The following CNTN3 variants were observed in gnomAD, a reference collection of about 807,000 sequenced individuals.
CNTN3 encodes contactin 3.
Under a neutral mutation model 119.1 loss-of-function variants are expected in CNTN3, and 60 were observed. The ratio of observed to expected loss-of-function variants is 0.50; its 90% CI spans 0.41 to 0.62. The LOEUF (loss-of-function observed/expected upper bound fraction) is 0.62, where lower values mean the gene tolerates loss of function less well. Ranked by LOEUF, CNTN3 falls within the 20% of genes least tolerant of loss-of-function variation. The pLI, the probability that CNTN3 is intolerant of heterozygous loss-of-function variation, is 0.00. For synonymous variants in CNTN3, 450 were observed against 438.7 expected, an observed-to-expected ratio of 1.03 and a Z score of -0.32; for missense variants, 1,101 against 1,242.4, an observed-to-expected ratio of 0.89 and a Z score of 1.71.
intron 1 of CNTN3, among the ~76,000 whole-genome samples, chr3:74,549,228 C>G (rs1352482499): frequency 6.6e-6 from 1 of 152,092 alleles, no homozygotes; most frequent in East Asian, 1.9e-4. Flanking sequence ...AAGTGTGTAG[C>G]ACCTCCCCCT....
At chr3:74,308,669 G>T (rs998370296) in intron 13 of CNTN3, among the ~76,000 whole-genome samples, 34 of 151,612 alleles carry the variant, frequency 2.2e-4, no homozygotes, top group African/African-American at 7.7e-4. Flanking sequence ...AGTAAGAATT[G>T]GTGATCTCAG....
chr3:74,507,731 T>C (rs1413293790), intron 2 of CNTN3, among the ~76,000 whole-genome samples: 1 of 149,754 alleles, frequency 6.7e-6, no homozygotes, highest in Non-Finnish European at 1.5e-5. Flanking sequence ...TCCCGGCTTC[T>C]AGCAATTCTT....
At chr3:74,418,272 C>T (rs554815776) in intron 5 of CNTN3, among the ~76,000 whole-genome samples, 18 of 151,566 alleles carry the variant, frequency 1.2e-4, no homozygotes, top group African/African-American at 4.1e-4. Flanking sequence ...AAGGGATCCT[C>T]CCATCTTGGC....
intron 16 of CNTN3, among the ~76,000 whole-genome samples, chr3:74,300,221 T>C (rs1045706721): frequency 1.3e-5 from 2 of 152,150 alleles, no homozygotes; most frequent in Admixed American, 6.5e-5. Flanking sequence ...GTATGAGACT[T>C]AAAACAAGAA....
chr3:74,379,495 T>C (rs1329847461), intron 5 of CNTN3, among the ~76,000 whole-genome samples: 2 of 152,320 alleles, frequency 1.3e-5, no homozygotes, highest in African/African-American at 4.8e-5. Context: ...GCTATTGATA[T>C]AGCAATGTCC....
chr3:74,550,667 T>C (rs1703976929), intron 1 of CNTN3, among the ~76,000 whole-genome samples: 1 of 152,182 alleles, frequency 6.6e-6, no homozygotes, highest in Non-Finnish European at 1.5e-5. Flanking sequence ...GCCTCCCAAG[T>C]AGCTGGGACT....
rs1011828634 is a variant in CNTN3 at position 74,471,802 on chromosome 3, G to A, written c.358+14654C>T. Among the ~76,000 whole-genome samples, 4 of 152,304 alleles carry A rather than the reference G, an allele frequency of 2.6e-5. No homozygotes were observed. In the East Asian group the frequency reaches 7.7e-4, roughly 29 times the overall value. On this transcript the variant is annotated intron_variant, in intron 4 of 22. Transcript: ENST00000263665. Reference sequence around the variant, plus strand: ...AAGATGGATCGTGGGGAAATGGAAAGCTAGTGTTTTCCTTTATAGTTATCT... The same window carrying A: ...AAGATGGATCGTGGGGAAATGGAAAACTAGTGTTTTCCTTTATAGTTATCT...
chr3:74,319,977 C>G (rs1454449143), intron 13 of CNTN3, among the ~76,000 whole-genome samples: 1 of 152,176 alleles, frequency 6.6e-6, no homozygotes, highest in Non-Finnish European at 1.5e-5. Flanking sequence ...GATACCATCT[C>G]ACACCAGTTA....
intron 3 of CNTN3, among the ~76,000 whole-genome samples, chr3:74,486,941 T>C (rs1702870303): frequency 6.6e-6 from 1 of 152,144 alleles, no homozygotes; most frequent in Non-Finnish European, 1.5e-5. Flanking sequence ...AAAGATGAAG[T>C]AGAAAGTTGA....
At chr3:74,307,690 A>C (rs1418238991) in intron 13 of CNTN3, among the ~76,000 whole-genome samples, 1 of 152,220 alleles carries the variant, frequency 6.6e-6, no homozygotes, top group Non-Finnish European at 1.5e-5. Flanking sequence ...GGTAGGCTGA[A>C]AATACATTGT....
chr3:74,508,929 A>C (rs1486716810), intron 2 of CNTN3, among the ~76,000 whole-genome samples: 1 of 152,196 alleles, frequency 6.6e-6, no homozygotes, highest in Non-Finnish European at 1.5e-5. Context: ...AAAAAGTATA[A>C]GCATCTTAAA....
chr3:74,361,666 C>G (rs1704075508), intron 11 of CNTN3, among the ~76,000 whole-genome samples: 1 of 152,090 alleles, frequency 6.6e-6, no homozygotes, highest in Non-Finnish European at 1.5e-5. Flanking sequence ...AGAGAAAGTA[C>G]TCTATGTGGG....
intron 13 of CNTN3, among the ~76,000 whole-genome samples, chr3:74,313,443 T>C (rs1286225632): frequency 6.7e-6 from 1 of 150,292 alleles, no homozygotes; most frequent in Admixed American, 6.6e-5. Context: ...AATGAAAGAT[T>C]AAAAAAAAAA....
chr3:74,430,572 C>A (rs1237877768), intron 4 of CNTN3, among the ~76,000 whole-genome samples: 1 of 151,952 alleles, frequency 6.6e-6, no homozygotes, highest in East Asian at 1.9e-4. Flanking sequence ...GAGACCCCAT[C>A]TCTTAAAAAA....
chr3:74,581,088 C>A (rs993767570), intron 1 of CNTN3, among the ~76,000 whole-genome samples: 2 of 152,114 alleles, frequency 1.3e-5, no homozygotes, highest in African/African-American at 2.4e-5. Flanking sequence ...GTAAGGATAA[C>A]CTTTCTCAAT....
At chr3:74,598,020 A>G (rs1202540483) in intron 1 of CNTN3, among the ~76,000 whole-genome samples, 1 of 152,070 alleles carries the variant, frequency 6.6e-6, no homozygotes, top group African/African-American at 2.4e-5. Flanking sequence ...AGAGTGGAAG[A>G]TTATAAAGAT....
At chr3:74,513,683 T>G (rs1343182496) in intron 2 of CNTN3, among the ~76,000 whole-genome samples, 4 of 151,948 alleles carry the variant, frequency 2.6e-5, no homozygotes, top group Admixed American at 2.6e-4. Context: ...AGATATAGTT[T>G]CACGAGGGCA....
intron 5 of CNTN3, among the ~76,000 whole-genome samples, chr3:74,406,280 G>C (rs906484317): frequency 6.6e-6 from 1 of 152,054 alleles, no homozygotes. Context: ...TGTTTCTAAG[G>C]TGTTTATACT....
rs146049756 is a variant in CNTN3 at position 74,390,801 on chromosome 3, T to C, written c.455-19402A>G. ...CGTGGTAATGGGATAATAAAAGATT[T>C]AGCAGTGTTCAGATAAATGGGCGAG... On this transcript the variant is annotated intron_variant, in intron 5 of 22. Coordinates refer to ENST00000263665, the MANE Select transcript of CNTN3 (RefSeq NM_020872.3). Among the ~76,000 whole-genome samples, 512 of 152,248 alleles carry C rather than the reference T, an allele frequency of 3.4e-3. 7 individuals carry two copies. Among genetic ancestry groups the C allele is most frequent in the African/African-American group, 0.012 (487 of 41,548 alleles).
Sources: allele counts gnomAD v4.1 joint callset (sites outside exome capture counted in the v4.1 genomes callset), GRCh38; gene constraint gnomAD v4.1.1; transcripts MANE v1.5; gene names NCBI Gene and HGNC (gene_info 2026-07-23, HGNC 2026-07-21).